LAMP3: variants seen among roughly 807,000 people sequenced by gnomAD.
LAMP3 encodes the protein lysosome-associated membrane glycoprotein 3.
In LAMP3, 26 loss-of-function variants were observed where a neutral mutation model predicts 34.8. That is an observed-to-expected ratio of 0.75 (90% CI 0.55 to 1.04). The LOEUF is 1.04. LAMP3 is among the 50% of genes least tolerant of loss of function. LAMP3 has a pLI of 0.00. For synonymous variants in LAMP3, 180 were observed against 201.9 expected (o/e 0.89, Z 0.92); for missense variants, 495 against 524.0 (o/e 0.94, Z 0.54).
intron 3 of LAMP3, 105 bp from the exon 4 acceptor site, chr3:183,140,700 A>C: frequency 1.3e-6 from 1 of 742,262 alleles, no homozygotes; most frequent in East Asian, 2.6e-5. Context: ...TCTGGATATA[A>C]GGGCTGGGGA....
intron 3 of LAMP3, among the ~76,000 whole-genome samples, chr3:183,148,549 T>C (rs115192480): frequency 0.015 from 2,285 of 152,338 alleles, 30 homozygotes; most frequent in Non-Finnish European, 0.025. Context: ...TGAACAGACA[T>C]TTCTCAAAAG....
chr3:183,131,975 C>T (rs1206643982), intron 5 of LAMP3: 1 of 985,254 alleles, frequency 1.0e-6, no homozygotes, highest in Non-Finnish European at 1.2e-6. Flanking sequence ...AGTGATCCTC[C>T]AGGCAGGTCT....
intron 3 of LAMP3, among the ~76,000 whole-genome samples, chr3:183,143,672 G>C (rs1157155147): frequency 1.3e-5 from 2 of 151,756 alleles, no homozygotes; most frequent in African/African-American, 4.8e-5. Flanking sequence ...CATGGCTTCT[G>C]TTCATACATC....
At chr3:183,152,205 G>A (rs1014654682) in intron 3 of LAMP3, among the ~76,000 whole-genome samples, 170 bp downstream of exon 3, 3 of 152,160 alleles carry the variant, frequency 2.0e-5, no homozygotes, top group Non-Finnish European at 2.9e-5. Context: ...GCTGAAGGGG[G>A]AAGAAGACAA....
intron 3 of LAMP3, among the ~76,000 whole-genome samples, chr3:183,141,245 C>T (rs1316931331): frequency 6.6e-6 from 1 of 152,102 alleles, no homozygotes; most frequent in Non-Finnish European, 1.5e-5. Context: ...ACCCTGAGAT[C>T]CCTGGGTATT....
chr3:183,149,574 A>AATATATATATATATATATATATATAT (rs765127504), intron 3 of LAMP3, among the ~76,000 whole-genome samples: 1 of 32,632 alleles, frequency 3.1e-5, no homozygotes, highest in Non-Finnish European at 5.1e-5. Context: ...AAAAAAAAAA[A>AATATATATATATATATATATATATAT]ATATATATAT....
At chr3:183,137,029 G>A (rs1401479540) in intron 4 of LAMP3, among the ~76,000 whole-genome samples, 4 of 150,938 alleles carry the variant, frequency 2.7e-5, no homozygotes, top group Non-Finnish European at 5.9e-5. Context: ...TAAATAAGTA[G>A]GCCGGGCATG....
chr3:183,135,356 A>C (rs1363602377), intron 5 of LAMP3, among the ~76,000 whole-genome samples: 1 of 152,156 alleles, frequency 6.6e-6, no homozygotes, highest in Non-Finnish European at 1.5e-5. Flanking sequence ...GACATTACTG[A>C]TACTCAGGAT....
chr3:183,148,733 T>A (rs1173363972), intron 3 of LAMP3, among the ~76,000 whole-genome samples: 1 of 152,198 alleles, frequency 6.6e-6, no homozygotes, highest in Non-Finnish European at 1.5e-5. Context: ...GGAACCCTCA[T>A]ACACTGCTGG....
rs928387646 is a variant in LAMP3 at position 183,122,533 on chromosome 3, T to C, written c.*1548A>G. On this transcript the variant is annotated 3_prime_UTR_variant, in exon 6 of 6. Transcript: ENST00000265598. The stretch of plus-strand genomic sequence containing the variant: ...GCAGAAGCAGCAAGTTACCACAAGA[T>C]GGGGCTATACACTCAAGAAAGAACA... 3.3e-5 allele frequency: 5 copies of C among 152,240 alleles called. No individual in the cohort carries two copies. The highest frequency in any genetic ancestry group is 1.2e-4 in the African/African-American group (5 of 41,470). 9.4% of individuals were successfully genotyped at this position (152,240 alleles called of 1,614,324 possible).
intron 3 of LAMP3, among the ~76,000 whole-genome samples, chr3:183,147,160 T>C (rs1005751019): frequency 6.6e-6 from 1 of 151,928 alleles, no homozygotes; most frequent in African/African-American, 2.4e-5. Flanking sequence ...AGAGAATCGC[T>C]TGAACCCAAG....
chr3:183,137,699 T>A (rs1720142433), intron 4 of LAMP3, among the ~76,000 whole-genome samples: 2 of 152,270 alleles, frequency 1.3e-5, no homozygotes, highest in South Asian at 4.1e-4. Context: ...CCCACTAACA[T>A]GAAAATCATC....
At chr3:183,132,235 T>A in intron 5 of LAMP3, 1 of 980,560 alleles carries the variant, frequency 1.0e-6, no homozygotes, top group Admixed American at 6.1e-5. Flanking sequence ...AAATAGGCAG[T>A]TTCCTAATTT....
At position 183,156,718 on chromosome 3, in the gene LAMP3, T is replaced by C. The variant is rs572316640; in HGVS notation, c.50-2327A>G. On this transcript the variant is annotated intron_variant, in intron 1 of 5. Coordinates refer to ENST00000265598, the MANE Select transcript of LAMP3 (RefSeq NM_014398.4). Reference sequence around the variant, plus strand: ...AGGCCTTAGGTCAAGGGTCATCTTTTACCAACTTCTCTCAAAAACACTTTG... The same window carrying C: ...AGGCCTTAGGTCAAGGGTCATCTTTCACCAACTTCTCTCAAAAACACTTTG... 4.4e-4 allele frequency among the ~76,000 whole-genome samples: 67 copies of C among 152,360 alleles called. 1 individual carries two copies. The highest frequency in any genetic ancestry group is 1.5e-3 in the African/African-American group (61 of 41,584).
At chr3:183,130,604 T>G (rs1719890677) in intron 5 of LAMP3, among the ~76,000 whole-genome samples, 1 of 152,208 alleles carries the variant, frequency 6.6e-6, no homozygotes, top group Non-Finnish European at 1.5e-5. Flanking sequence ...TTGGGTGAAT[T>G]ATGGTCTTTC....
upstream of LAMP3, chr3:183,162,761 T>A (rs1003694400): frequency 1.8e-6 from 2 of 1,108,204 alleles, no homozygotes; most frequent in Non-Finnish European, 2.5e-6. Context: ...CACCTGCTTA[T>A]GAGAAGCAGC....
intron 5 of LAMP3, among the ~76,000 whole-genome samples, chr3:183,128,557 G>A (rs1336160583): frequency 2.0e-5 from 3 of 152,036 alleles, no homozygotes; most frequent in East Asian, 1.9e-4. Flanking sequence ...GAATAACCAC[G>A]TACAAATATC....
chr3:183,152,580 T>C, intron 2 of LAMP3, 77 bp from the exon 3 acceptor site: 2 of 1,318,932 alleles, frequency 1.5e-6, no homozygotes, highest in Non-Finnish European at 2.1e-6. Context: ...CACAGGCTAG[T>C]TTGTGAGCCT....
intron 5 of LAMP3, among the ~76,000 whole-genome samples, chr3:183,128,401 T>C (rs1354857672): frequency 6.6e-6 from 1 of 152,208 alleles, no homozygotes; most frequent in Non-Finnish European, 1.5e-5. Flanking sequence ...TTTGGAACTC[T>C]TTCCTTAAAC....
Sources: gnomAD v4.1 joint callset for allele counts (sites outside exome capture counted in the v4.1 genomes callset) on GRCh38, gnomAD v4.1.1 for gene constraint, MANE v1.5 for transcripts, NCBI Gene and HGNC (gene_info 2026-07-23, HGNC 2026-07-21) for gene names.